Variants in SV2C observed in about 807,000 individuals in gnomAD.
SV2C encodes synaptic vesicle glycoprotein 2C, also known as solute carrier family 22 member B3.
SV2C carries 49 observed loss-of-function variants against 79.7 expected under a neutral mutation model. The observed-to-expected ratio is 0.61, with a 90% CI of 0.49 to 0.78. The LOEUF (loss-of-function observed/expected upper bound fraction) is 0.78, where lower values mean the gene tolerates loss of function less well. Ranked by LOEUF, SV2C falls within the 30% of genes least tolerant of loss-of-function variation. SV2C has a pLI of 0.00. For missense variants in SV2C, 833 were observed against 912.9 expected, an observed-to-expected ratio of 0.91 and a Z score of 1.13; for synonymous variants, 334 against 333.2, an observed-to-expected ratio of 1.00 and a Z score of -0.03.
chr5:76,305,435 T>A (rs1384705384), intron 12 of SV2C, among the ~76,000 whole-genome samples: 2 of 152,212 alleles, frequency 1.3e-5, no homozygotes, highest in East Asian at 3.8e-4. Context: ...GAAGCTGTTA[T>A]GTGTCCTCAC....
At chr5:76,043,509 T>G in the SV2C span, among the ~76,000 whole-genome samples, 1 of 152,202 alleles carries the variant, frequency 6.6e-6, no homozygotes, top group East Asian at 1.9e-4. Context: ...CCACTGCACT[T>G]TCTACCTCTT....
chr5:75,940,189 C>T, the SV2C span, among the ~76,000 whole-genome samples: 1 of 152,014 alleles, frequency 6.6e-6, no homozygotes, highest in African/African-American at 2.4e-5. Context: ...CATGGCAAAA[C>T]CTCATCTCTA....
the SV2C span, among the ~76,000 whole-genome samples, chr5:76,078,135 G>A: frequency 6.6e-6 from 1 of 152,124 alleles, no homozygotes; most frequent in Non-Finnish European, 1.5e-5. Flanking sequence ...TCAGGGAGGA[G>A]GGATGAAGAA....
chr5:76,160,560 G>A (rs1419196044), intron 2 of SV2C, among the ~76,000 whole-genome samples: 1 of 152,166 alleles, frequency 6.6e-6, no homozygotes, highest in African/African-American at 2.4e-5. Context: ...TAATAAAACT[G>A]AAACCTTGTG....
At chr5:75,959,585 T>G in the SV2C span, among the ~76,000 whole-genome samples, 1 of 151,968 alleles carries the variant, frequency 6.6e-6, no homozygotes, top group South Asian at 2.1e-4. Context: ...CACACATATA[T>G]GCAAACACAT....
chr5:76,153,001 T>C (rs751936287), intron 2 of SV2C, among the ~76,000 whole-genome samples: 35 of 152,230 alleles, frequency 2.3e-4, no homozygotes, highest in Non-Finnish European at 4.1e-4. Flanking sequence ...AGCTGCTATA[T>C]GGGAGTGGCA....
chr5:76,052,429 A>C, the SV2C span, among the ~76,000 whole-genome samples: 1,898 of 152,358 alleles, frequency 0.012, 41 homozygotes, highest in African/African-American at 0.039. Flanking sequence ...TGAAGAATTA[A>C]AACTTATTAA....
chr5:76,023,764 ACTTTTT>A, the SV2C span, among the ~76,000 whole-genome samples: 9 of 151,622 alleles, frequency 5.9e-5, no homozygotes, highest in African/African-American at 2.2e-4. Flanking sequence ...TTACTCTGTA[ACTTTTT>A]CTTTAACTTA....
chr5:75,994,092 G>A, the SV2C span, among the ~76,000 whole-genome samples: 1 of 152,004 alleles, frequency 6.6e-6, no homozygotes, highest in Admixed American at 6.6e-5. Flanking sequence ...GGGCTTAATG[G>A]GGTCATTTAA....
the SV2C span, among the ~76,000 whole-genome samples, chr5:75,972,409 C>A: frequency 2.0e-5 from 3 of 151,850 alleles, no homozygotes; most frequent in African/African-American, 4.8e-5. Flanking sequence ...AATGGGAGAA[C>A]ATTTTTGCAA....
the SV2C span, among the ~76,000 whole-genome samples, chr5:75,989,479 C>T: frequency 8.0e-3 from 1,215 of 152,140 alleles, 16 homozygotes; most frequent in African/African-American, 0.028. Context: ...CTTTTTGTGG[C>T]TGCATAGTAT....
chr5:76,336,081 C>A (rs1455879401), downstream of SV2C, among the ~76,000 whole-genome samples: 2 of 65,378 alleles, frequency 3.1e-5, no homozygotes, highest in East Asian at 4.8e-4. Context: ...CCGGACGGGG[C>A]GGCTGGCCGG....
At chr5:75,880,857 T>G in the SV2C span, among the ~76,000 whole-genome samples, 1 of 152,186 alleles carries the variant, frequency 6.6e-6, no homozygotes. Flanking sequence ...AAGAAATACC[T>G]GAGGCTGGGT....
At chr5:76,001,221 G>T in the SV2C span, among the ~76,000 whole-genome samples, 2 of 152,190 alleles carry the variant, frequency 1.3e-5, no homozygotes, top group Non-Finnish European at 2.9e-5. Flanking sequence ...GAGGAAGAGG[G>T]TCTGGGGGCT....
intron 1 of SV2C, among the ~76,000 whole-genome samples, chr5:76,120,938 G>A (rs527399949): frequency 0.012 from 1,737 of 150,922 alleles, 39 homozygotes; most frequent in African/African-American, 0.037. Context: ...CTGAGGAATC[G>A]CCACACTAAC....
chr5:76,005,561 C>T, the SV2C span, among the ~76,000 whole-genome samples: 1 of 152,160 alleles, frequency 6.6e-6, no homozygotes, highest in Non-Finnish European at 1.5e-5. Flanking sequence ...GATCATGCAT[C>T]TCATCCCACA....
the SV2C span, among the ~76,000 whole-genome samples, chr5:76,005,645 G>C: frequency 6.6e-6 from 1 of 152,190 alleles, no homozygotes; most frequent in Non-Finnish European, 1.5e-5. Flanking sequence ...AGATCAATAT[G>C]CTGTTATTGG....
the SV2C span, among the ~76,000 whole-genome samples, chr5:75,952,434 G>T: frequency 6.6e-6 from 1 of 151,566 alleles, no homozygotes. Flanking sequence ...TATTGTGGTC[G>T]TGTGGTTTGG....
chr5:75,914,513 C>T, the SV2C span, among the ~76,000 whole-genome samples: 4 of 152,108 alleles, frequency 2.6e-5, no homozygotes, highest in African/African-American at 9.7e-5. Context: ...GTGGAGAATT[C>T]AGCCTCCCAC....
Sources: gnomAD v4.1 joint callset for allele counts (sites outside exome capture counted in the v4.1 genomes callset) on GRCh38, gnomAD v4.1.1 for gene constraint, MANE v1.5 for transcripts, NCBI Gene and HGNC (gene_info 2026-07-23, HGNC 2026-07-21) for gene names.